The following HERC1 variants were observed in gnomAD, a reference collection of about 807,000 sequenced individuals.
HERC1 encodes HECT and RLD domain containing E3 ubiquitin protein ligase family member 1, also known as probable E3 ubiquitin-protein ligase HERC1.
HERC1 carries 160 observed loss-of-function variants against 554.3 expected under a neutral mutation model. That is an observed-to-expected ratio of 0.29 (90% CI 0.25 to 0.33). The LOEUF (loss-of-function observed/expected upper bound fraction) is 0.33, where lower values mean the gene tolerates loss of function less well. HERC1 is among the 10% of genes least tolerant of loss of function. The pLI is 1.00. For missense variants in HERC1, 4,919 were observed against 5,918.5 expected, an observed-to-expected ratio of 0.83 and a Z score of 5.54; for synonymous variants, 2,175 against 2,131.7, an observed-to-expected ratio of 1.02 and a Z score of -0.56.
Position 63,774,761 on chromosome 15 carries a change from GAGAGT to G in HERC1, c.858_862del (p.Leu287LysfsTer9), listed in dbSNP as rs1342851810. 1 of 1,613,964 alleles carries G rather than the reference GAGAGT, an allele frequency of 6.2e-7. No homozygotes were observed. ...AAAGCTGATCATTCCTTCCTGGCTTGAGAGTAGTTTGCCTTTCTCCATGGTGTGTA... is the reference window on the plus strand; with the variant it reads ...AAAGCTGATCATTCCTTCCTGGCTTGAGTTTGCCTTTCTCCATGGTGTGTA... On this transcript the variant is annotated frameshift_variant, in exon 2 of 78. Coordinates refer to ENST00000443617, the MANE Select transcript of HERC1 (RefSeq NM_003922.4). LOFTEE classifies it high-confidence loss of function.
In HERC1 at chr15:63,690,778, C is replaced by T. The variant is rs567826851; in HGVS notation, c.5831-131G>A. Reference sequence around the variant, plus strand: ...AACAAACTTGATTTCAAACTATTATCGCAAGAATTCTGGATCCATCCTGTA... The same window carrying T: ...AACAAACTTGATTTCAAACTATTATTGCAAGAATTCTGGATCCATCCTGTA... On this transcript the variant is annotated intron_variant, in intron 31 of 77. Transcript: ENST00000443617. The T allele has an allele frequency of 6.7e-5, 42 of 625,540 alleles. 1 individual carries two copies. Among genetic ancestry groups the T allele is most frequent in the South Asian group, 4.4e-4 (22 of 50,498 alleles). 38.7% of individuals were successfully genotyped at this position (625,540 alleles called of 1,614,324 possible).
intron 26 of HERC1, 70 bp downstream of exon 26, chr15:63,698,658 G>C (rs2072560341): frequency 3.4e-6 from 5 of 1,453,660 alleles, no homozygotes; most frequent in Admixed American, 4.5e-5. Context: ...GTTTTCCCTA[G>C]AACTATACAT....
At position 63,661,818 on chromosome 15, in the gene HERC1, T is replaced by A. The variant is rs1415216708; in HGVS notation, c.9105A>T (p.Leu3035Phe). ...AGTACTTCTCCCTGCAGGTGCCACA[T>A]AACAGGTAGTACGGATTTCCACTCC... ...ECGSGNPYYL[L>F]CGTCREKYLA... The change falls in exon 45 of 78, where the codon TTA (leucine) becomes TTT (phenylalanine). Residue 3035 changes from leucine (L) to phenylalanine (F), a missense_variant. By Grantham distance (22) the Leu-to-Phe change is conservative (BLOSUM62 0). Transcript: ENST00000443617. 41 of 1,613,894 alleles carry A rather than the reference T, an allele frequency of 2.5e-5. No individual in the cohort carries two copies. Among genetic ancestry groups the A allele is most frequent in the African/African-American group, 4.0e-5 (3 of 74,924 alleles).
At chr15:63,826,594 A>C (rs1321175358) in intron 1 of HERC1, among the ~76,000 whole-genome samples, 1 of 151,616 alleles carries the variant, frequency 6.6e-6, no homozygotes, top group Non-Finnish European at 1.5e-5. Flanking sequence ...AAATGTTAAA[A>C]TGAACAATCC....
At chr15:63,833,380 C>A (rs1349666732) in intron 1 of HERC1, among the ~76,000 whole-genome samples, 1 of 152,164 alleles carries the variant, frequency 6.6e-6, no homozygotes, top group Non-Finnish European at 1.5e-5. Context: ...TCGCGGCACT[C>A]CCCGGACCCT....
rs781195511 is a variant in HERC1 at position 63,656,084 on chromosome 15, T to C, written c.9870+4A>G. ...AACGGGGAAAAGTACTGAAAGTAGC[T>C]TACCTGTGTACACAACTGTACAAGC... On this transcript the variant is annotated splice_donor_region_variant and intron_variant, in intron 49 of 77. Coordinates refer to ENST00000443617, the MANE Select transcript of HERC1 (RefSeq NM_003922.4). The C allele has an allele frequency of 5.6e-6, 9 of 1,610,610 alleles. No homozygotes were observed. Among genetic ancestry groups the C allele is most frequent in the Non-Finnish European group, 7.6e-6 (9 of 1,177,404 alleles).
Position 63,674,778 on chromosome 15 carries a change from T to A in HERC1, c.7410A>T (p.Pro2470=). The A allele has an allele frequency of 6.2e-7, 1 of 1,613,992 alleles. No homozygotes were observed. The highest frequency in any genetic ancestry group is 1.1e-5 in the South Asian group (1 of 91,062). ...ENEIASFSLD[P]TLPSVESQHQ... is the part of the protein sequence containing the mutation. ...GTTGGGATTCCACACTTGGCAGTGT[T>A]GGATCTAAAGAAAATGAAGCGATTT... The change falls in exon 38 of 78, where the codon CCA becomes CCT. Residue 2470 remains proline (P), a synonymous_variant. Transcript: ENST00000443617.
chr15:63,628,792 A>G lies in HERC1; in HGVS notation c.12990T>C (p.His4330=). 6.2e-7 allele frequency: 1 copy of G among 1,613,996 alleles called. No homozygotes were observed. The highest frequency in any genetic ancestry group is 8.5e-7 in the Non-Finnish European group (1 of 1,179,866). Residue 4330 remains histidine (H), a synonymous_variant, in exon 70 of 78, where the codon CAT becomes CAC. Coordinates refer to ENST00000443617, the MANE Select transcript of HERC1 (RefSeq NM_003922.4). ...EGQLGLGHTN[H]VREPTLVTGL... The stretch of plus-strand genomic sequence containing the variant: ...CTGTTACCAGGGTTGGTTCTCGAAC[A>G]TGGTTGGTATGGCCTAAGCCGAGCT...
At chr15:63,737,548 T>TATATATA in intron 12 of HERC1, among the ~76,000 whole-genome samples, 2 of 107,556 alleles carry the variant, frequency 1.9e-5, no homozygotes, top group South Asian at 3.2e-4. Context: ...TATATATATA[T>TATATATA]CTTTTTTTTT....
In HERC1 at chr15:63,758,512, A is replaced by T; in HGVS notation, c.1027-143T>A. 6 of 581,966 alleles carry T rather than the reference A, an allele frequency of 1.0e-5. No homozygotes were observed. Among genetic ancestry groups the T allele is most frequent in the Non-Finnish European group, 1.5e-5 (5 of 343,376 alleles). 36.1% of individuals were successfully genotyped at this position (581,966 alleles called of 1,614,324 possible). A position where few individuals can be genotyped will look rare whatever the true frequency, so the allele number is the denominator to read the frequency against. ...GAACCTATTAAATAAAGATAACTAG[A>T]CTATTTACTCATATGGAATAAACCA... is the stretch of plus-strand genomic sequence containing the variant. On this transcript the variant is annotated intron_variant, in intron 3 of 77. Coordinates refer to ENST00000443617, the MANE Select transcript of HERC1 (RefSeq NM_003922.4). This position sits in a 1 kb window ranked among gnomAD's most constrained non-coding sequence, Gnocchi z 4.0.
At chr15:63,687,671 T>G (rs1172080784) in intron 33 of HERC1, among the ~76,000 whole-genome samples, 1 of 152,184 alleles carries the variant, frequency 6.6e-6, no homozygotes, top group Admixed American at 6.5e-5. Context: ...TCTGCTCTCA[T>G]AGAACTTTTA....
At position 63,661,757 on chromosome 15, in the gene HERC1, C is replaced by T; in HGVS notation, c.9166G>A (p.Glu3056Lys). 1 of 1,613,848 alleles carries T rather than the reference C, an allele frequency of 6.2e-7. No individual in the cohort carries two copies. The highest frequency in any genetic ancestry group is 8.5e-7 in the Non-Finnish European group (1 of 1,179,768). Reference sequence around the variant, plus strand: ...ATCTACACAATTTCAAGGTACCTTTCAGAACTTGTTGACTTAGATTTGGTC... The same window carrying T: ...ATCTACACAATTTCAAGGTACCTTTTAGAACTTGTTGACTTAGATTTGGTC... ...MKTKSKSTSS[E>K]RYKGQAPDLI... Residue 3056 changes from glutamate (E) to lysine (K), a missense_variant, in exon 45 of 78, where the codon GAA (glutamate) becomes AAA (lysine). Coordinates refer to ENST00000443617, the MANE Select transcript of HERC1 (RefSeq NM_003922.4).
rs1305941792 is a variant in HERC1 at position 63,711,599 on chromosome 15, T to C, written c.4584+1176A>G. On this transcript the variant is annotated intron_variant, in intron 24 of 77. Coordinates refer to ENST00000443617, the MANE Select transcript of HERC1 (RefSeq NM_003922.4). ...TTTTAAAACAATAACTTATTCTTTA[T>C]GTAGCACTTTATACTTTTTCAAAAA... Among the ~76,000 whole-genome samples, 3 of 152,248 alleles carry C rather than the reference T, an allele frequency of 2.0e-5. No homozygotes were observed. In the East Asian group the frequency reaches 5.8e-4, roughly 29 times the overall value.
At position 63,775,386 on chromosome 15, in the gene HERC1, C is replaced by A. The variant is rs1442660606; in HGVS notation, c.238G>T (p.Asp80Tyr). Residue 80 changes from aspartate to tyrosine, a missense_variant, in exon 2 of 78, where the codon GAT (aspartate) becomes TAT (tyrosine). Coordinates refer to ENST00000443617, the MANE Select transcript of HERC1 (RefSeq NM_003922.4). The surrounding 1 kb of genome is among the most constrained non-coding windows in gnomAD (Gnocchi z 4.0). Reference protein sequence around the residue: ...LSSDEQDHYLDALLSSQLALA... With the variant: ...LSSDEQDHYLYALLSSQLALA... ...GCTAGCTGGCTGCTAAGAAGGGCAT[C>A]CAAATAGTGGTCCTGCTCATCACTT... The A allele has an allele frequency of 3.1e-6, 5 of 1,613,814 alleles. No homozygotes were observed. The highest frequency in any genetic ancestry group is 4.2e-6 in the Non-Finnish European group (5 of 1,179,832).
At chr15:63,746,139 A>T (rs1026419371) in intron 12 of HERC1, among the ~76,000 whole-genome samples, 5 of 151,416 alleles carry the variant, frequency 3.3e-5, no homozygotes, top group African/African-American at 1.2e-4. Flanking sequence ...TTCGATATAT[A>T]TTTTTTTTAA....
At position 63,817,871 on chromosome 15, in the gene HERC1, T is replaced by C. The variant is rs888115652; in HGVS notation, c.-27+15956A>G. On this transcript the variant is annotated intron_variant, in intron 1 of 77. Transcript: ENST00000443617. ...TATTCCCTCTACTTTTATGTTAATA[T>C]ATATTTAAAATATACTATAATAAAA... is the stretch of plus-strand genomic sequence containing the variant. 4.6e-5 allele frequency among the ~76,000 whole-genome samples: 7 copies of C among 152,126 alleles called. No individual in the cohort carries two copies. The East Asian group carries it at 9.6e-4, about 21-fold the overall frequency.
chr15:63,681,797 CAT>C (rs367976958), intron 34 of HERC1, among the ~76,000 whole-genome samples: 24 of 152,316 alleles, frequency 1.6e-4, no homozygotes, highest in African/African-American at 2.9e-4. Context: ...ACATCACACA[CAT>C]GTTATTTTTC....
At chr15:63,789,730 G>A (rs1391608296) in intron 1 of HERC1, among the ~76,000 whole-genome samples, 1 of 151,680 alleles carries the variant, frequency 6.6e-6, no homozygotes, top group Non-Finnish European at 1.5e-5. Flanking sequence ...CCCGGGAGGT[G>A]GAAGTTGCAG....
intron 12 of HERC1, among the ~76,000 whole-genome samples, chr15:63,736,299 G>A (rs1420691944): frequency 6.6e-6 from 1 of 152,212 alleles, no homozygotes; most frequent in Non-Finnish European, 1.5e-5. Flanking sequence ...AGGCACAGTT[G>A]AAGGCAGGAA....
Sources: allele counts gnomAD v4.1 joint callset (sites outside exome capture counted in the v4.1 genomes callset), GRCh38; gene constraint gnomAD v4.1.1; non-coding constraint Gnocchi (gnomAD v3.1); transcripts MANE v1.5; gene names NCBI Gene and HGNC (gene_info 2026-07-23, HGNC 2026-07-21).